The following PINX1 variants were observed in gnomAD, a reference collection of about 807,000 sequenced individuals.
The protein encoded by PINX1 is PIN2 (TERF1) interacting telomerase inhibitor 1.
PINX1 carries 34 observed loss-of-function variants against 25.4 expected under a neutral mutation model. That is an observed-to-expected ratio of 1.34 (90% CI 1.02 to 1.78). PINX1 has a LOEUF of 1.78. Among genes scored for constraint, PINX1 ranks in the 40% most tolerant of loss-of-function variants. PINX1 has a pLI of 0.00. For missense variants in PINX1, 592 were observed against 404.9 expected, an observed-to-expected ratio of 1.46 and a Z score of -3.97; for synonymous variants, 197 against 147.7, an observed-to-expected ratio of 1.33 and a Z score of -2.42.
At chr8:10,793,608 A>G (rs1424334595) in intron 6 of PINX1, among the ~76,000 whole-genome samples, 1 of 152,186 alleles carries the variant, frequency 6.6e-6, no homozygotes. Context: ...AAAAGCTTCT[A>G]AGGAATTAAT....
At position 10,834,784 on chromosome 8, in the gene PINX1, G is replaced by T. The variant is rs776077191; in HGVS notation, c.20-9C>A. On this transcript the variant is annotated splice_polypyrimidine_tract_variant and intron_variant, in intron 1 of 6. Transcript: ENST00000314787. ...CTTCTGCTTCCGCCGACCTGTAAAT[G>T]AAAAAGCATTATCATCAGCAATGGA... 1.7e-5 allele frequency: 27 copies of T among 1,598,460 alleles called. No individual in the cohort carries two copies. Among genetic ancestry groups the T allele is most frequent in the East Asian group, 2.2e-5 (1 of 44,794 alleles).
intron 4 of PINX1, among the ~76,000 whole-genome samples, chr8:10,828,913 G>T (rs889146187): frequency 2.0e-5 from 3 of 152,168 alleles, no homozygotes; most frequent in Non-Finnish European, 4.4e-5. Flanking sequence ...AGCTCATCAG[G>T]AGGTGCACTG....
chr8:10,837,701 T>C lies in PINX1; in HGVS notation c.19+2037A>G, dbSNP rs181102323. On this transcript the variant is annotated intron_variant, in intron 1 of 6. Coordinates refer to ENST00000314787, the MANE Select transcript of PINX1 (RefSeq NM_017884.6). ...CGGGATACTTTTGGGGCAAATCCAA[T>C]AAAAACCATCCACACAACAGCTCAA... 2.6e-5 allele frequency among the ~76,000 whole-genome samples: 4 copies of C among 152,286 alleles called. No individual in the cohort carries two copies. The East Asian group carries it at 7.7e-4, about 29-fold the overall frequency.
At position 10,835,187 on chromosome 8, in the gene PINX1, T is replaced by C. The variant is rs560976492; in HGVS notation, c.20-412A>G. Among the ~76,000 whole-genome samples, 13 of 152,316 alleles carry C rather than the reference T, an allele frequency of 8.5e-5. No homozygotes were observed. In the East Asian group the frequency reaches 9.6e-4, roughly 11 times the overall value. ...ATGCGTTACTACATACAAAAGAACA[T>C]GCAATACCAAGGATGCGCTTAAAAT... On this transcript the variant is annotated intron_variant, in intron 1 of 6. Coordinates refer to ENST00000314787, the MANE Select transcript of PINX1 (RefSeq NM_017884.6).
chr8:10,822,332 G>C (rs6980805), intron 5 of PINX1, among the ~76,000 whole-genome samples: 93,654 of 152,110 alleles, frequency 0.62, 30,575 homozygotes, highest in African/African-American at 0.8. Flanking sequence ...TTATTTGTTT[G>C]AGTTCTGAAT....
intron 6 of PINX1, among the ~76,000 whole-genome samples, chr8:10,791,385 C>T (rs1348443395): frequency 1.3e-5 from 2 of 152,198 alleles, no homozygotes; most frequent in South Asian, 4.1e-4. Context: ...GCTCAGTACA[C>T]AGCATCCTTG....
At chr8:10,802,314 C>T (rs947878243) in intron 6 of PINX1, among the ~76,000 whole-genome samples, 1 of 152,186 alleles carries the variant, frequency 6.6e-6, no homozygotes, top group Admixed American at 6.5e-5. Context: ...GACTTACACA[C>T]AGCAGGTCAC....
chr8:10,774,150 T>C (rs1801314982), intron 6 of PINX1, among the ~76,000 whole-genome samples: 2 of 152,224 alleles, frequency 1.3e-5, no homozygotes, highest in African/African-American at 2.4e-5. Context: ...CTTCCATCTT[T>C]ATTCCACAGG....
chr8:10,821,247 T>C (rs1797858233), intron 5 of PINX1, among the ~76,000 whole-genome samples: 2 of 152,206 alleles, frequency 1.3e-5, no homozygotes, highest in African/African-American at 4.8e-5. Flanking sequence ...GGCAAAGTAA[T>C]GTCATGACCC....
chr8:10,828,544 T>A (rs996270431), intron 4 of PINX1, among the ~76,000 whole-genome samples: 10 of 152,098 alleles, frequency 6.6e-5, no homozygotes, highest in Non-Finnish European at 2.9e-5. Context: ...AGAGGCCACA[T>A]CCTGAAGCAC....
intron 6 of PINX1, among the ~76,000 whole-genome samples, chr8:10,789,491 A>G (rs1462730157): frequency 6.6e-6 from 1 of 152,178 alleles, no homozygotes; most frequent in Non-Finnish European, 1.5e-5. Context: ...GTTCTTATTA[A>G]CTGTGGTCAA....
intron 6 of PINX1, among the ~76,000 whole-genome samples, chr8:10,783,253 A>C (rs1239383601): frequency 6.6e-6 from 1 of 152,194 alleles, no homozygotes; most frequent in Non-Finnish European, 1.5e-5. Context: ...TATACATTTT[A>C]AAAAAGAACC....
At chr8:10,777,995 A>T (rs563264236) in intron 6 of PINX1, among the ~76,000 whole-genome samples, 8 of 152,314 alleles carry the variant, frequency 5.3e-5, no homozygotes, top group Admixed American at 3.9e-4. Context: ...AGTGCAAAGG[A>T]ACAAGGGAGG....
At chr8:10,770,615 T>C (rs1476383965) in intron 6 of PINX1, among the ~76,000 whole-genome samples, 1 of 152,194 alleles carries the variant, frequency 6.6e-6, no homozygotes, top group African/African-American at 2.4e-5. Flanking sequence ...CAAACATGTA[T>C]ACTGAGATGG....
At position 10,832,996 on chromosome 8, in the gene PINX1, A is replaced by G; in HGVS notation, c.130-12T>C. On this transcript the variant is annotated splice_polypyrimidine_tract_variant and intron_variant, in intron 2 of 6. Coordinates refer to ENST00000314787, the MANE Select transcript of PINX1 (RefSeq NM_017884.6). ...TGAGCCCCTAAACCCTGTGGAGATT[A>G]AACACAGAGAGTTAGAACATTCCTC... The G allele has an allele frequency of 6.5e-7, 1 of 1,544,094 alleles. No individual in the cohort carries two copies. The highest frequency in any genetic ancestry group is 8.9e-7 in the Non-Finnish European group (1 of 1,121,648).
intron 6 of PINX1, among the ~76,000 whole-genome samples, chr8:10,786,841 C>T (rs563332184): frequency 3.9e-5 from 6 of 152,306 alleles, no homozygotes; most frequent in East Asian, 1.9e-4. Flanking sequence ...TTGCACCCAG[C>T]GCCTCTCCCC....
chr8:10,794,320 A>G (rs1175111722), intron 6 of PINX1, among the ~76,000 whole-genome samples: 1 of 152,244 alleles, frequency 6.6e-6, no homozygotes, highest in Non-Finnish European at 1.5e-5. Context: ...TATTTCCGTT[A>G]ACCTACACAG....
chr8:10,769,666 G>A (rs1161946559), intron 6 of PINX1, among the ~76,000 whole-genome samples: 1 of 152,182 alleles, frequency 6.6e-6, no homozygotes, highest in South Asian at 2.1e-4. Flanking sequence ...CCTGAGGAGA[G>A]GCGTCCTCTC....
At chr8:10,792,468 C>T (rs1381897748) in intron 6 of PINX1, among the ~76,000 whole-genome samples, 1 of 152,102 alleles carries the variant, frequency 6.6e-6, no homozygotes, top group Non-Finnish European at 1.5e-5. Context: ...CCCCGTGACG[C>T]TGTGCGCTCC....
Sources: allele counts gnomAD v4.1 joint callset (sites outside exome capture counted in the v4.1 genomes callset), GRCh38; gene constraint gnomAD v4.1.1; transcripts MANE v1.5; gene names NCBI Gene and HGNC (gene_info 2026-07-23, HGNC 2026-07-21).